Variants in SH3KBP1 observed in about 807,000 individuals in gnomAD.
SH3KBP1 encodes SH3 domain-containing kinase-binding protein 1.
A neutral mutation model predicts 50.1 loss-of-function variants in SH3KBP1; 8 were observed. That is an observed-to-expected ratio of 0.16 (90% confidence interval 0.09 to 0.29). SH3KBP1 has a LOEUF of 0.29. SH3KBP1 is among the 10% of genes least tolerant of loss of function. SH3KBP1 has a pLI of 1.00. For missense variants in SH3KBP1, 377 were observed against 535.2 expected, an observed-to-expected ratio of 0.70 and a Z score of 2.92; for synonymous variants, 227 against 218.6, an observed-to-expected ratio of 1.04 and a Z score of -0.34.
At chrX:19,784,008 C>T (rs1322895390) in intron 2 of SH3KBP1, among the ~76,000 whole-genome samples, 2 of 111,850 alleles carry the variant, frequency 1.8e-5, no homozygotes, top group African/African-American at 6.5e-5. Flanking sequence ...CATTATGTTC[C>T]TCAAATGGGC....
intron 2 of SH3KBP1, among the ~76,000 whole-genome samples, chrX:19,754,268 C>T (rs1212442632): frequency 8.9e-6 from 1 of 111,818 alleles, no homozygotes; most frequent in Non-Finnish European, 1.9e-5. Flanking sequence ...AGAACGACTA[C>T]CTTTGTGTCC....
intron 2 of SH3KBP1, among the ~76,000 whole-genome samples, chrX:19,756,186 G>A (rs896784842): frequency 1.1e-4 from 12 of 110,927 alleles, no homozygotes; most frequent in Admixed American, 3.8e-4. Context: ...TATCATTCCG[G>A]CTATTTTCTC....
chrX:19,862,306 T>C (rs547783275), intron 1 of SH3KBP1, among the ~76,000 whole-genome samples: 2 of 112,327 alleles, frequency 1.8e-5, no homozygotes, highest in African/African-American at 6.5e-5. Flanking sequence ...AGTCCTCTTC[T>C]ATTAGGGCAT....
intron 2 of SH3KBP1, among the ~76,000 whole-genome samples, chrX:19,774,650 AAAAAAAAGAAAG>A (rs2065905740): frequency 1.6e-5 from 1 of 63,480 alleles, no homozygotes; most frequent in East Asian, 4.3e-4. Context: ...CCCTGTCTCA[AAAAAAAAGAAAG>A]AAAGAAAGAA....
At chrX:19,725,776 T>C (rs954551589) in intron 3 of SH3KBP1, among the ~76,000 whole-genome samples, 1 of 112,183 alleles carries the variant, frequency 8.9e-6, no homozygotes, top group African/African-American at 3.2e-5. Flanking sequence ...CCACTGTTGC[T>C]CCACTTGCTG....
intron 8 of SH3KBP1, among the ~76,000 whole-genome samples, chrX:19,617,288 G>A (rs1312928232): frequency 1.8e-5 from 2 of 112,170 alleles, no homozygotes; most frequent in East Asian, 5.6e-4. Flanking sequence ...TGTATGTTTT[G>A]GCCAATGTTA....
At chrX:19,576,401 A>G (rs762282032) in intron 12 of SH3KBP1, among the ~76,000 whole-genome samples, 5 of 111,558 alleles carry the variant, frequency 4.5e-5, no homozygotes, top group African/African-American at 1.6e-4. Context: ...CTGTTTACTG[A>G]ATGCCTACCA....
At chrX:19,663,762 T>C (rs2062523842) in intron 6 of SH3KBP1, among the ~76,000 whole-genome samples, 1 of 112,104 alleles carries the variant, frequency 8.9e-6, no homozygotes, top group African/African-American at 3.2e-5. Context: ...TTCTCCATTA[T>C]TTGCAATCTG....
At chrX:19,581,793 A>G (rs753213002) in intron 12 of SH3KBP1, among the ~76,000 whole-genome samples, 49 of 107,210 alleles carry the variant, frequency 4.6e-4, no homozygotes, top group African/African-American at 1.7e-3. Flanking sequence ...TTCAGAACTC[A>G]TCAGTCACTT....
At position 19,878,472 on chromosome X, in the gene SH3KBP1, TTGTG is replaced by T. The variant is rs56786885; in HGVS notation, c.4+8831_4+8834del. Among the ~76,000 whole-genome samples, 693 of 72,944 alleles carry T rather than the reference TTGTG, an allele frequency of 9.5e-3. 4 individuals are homozygous for T. The highest frequency in any genetic ancestry group is 0.014 in the Non-Finnish European group (568 of 41,229). The allele number at this position is 72,944 out of a possible 115,157, so 63.3% of individuals were successfully genotyped here. A position where few individuals can be genotyped will look rare whatever the true frequency, so the allele number is the denominator to read the frequency against. On this transcript the variant is annotated intron_variant, in intron 1 of 17. Transcript: ENST00000397821. Reference sequence around the variant, plus strand: ...GTATGTGCCACCACGCCTGGCTAATTTGTGTGTGTGTGTGTGTGTGTGTGTGTGT... The same window carrying T: ...GTATGTGCCACCACGCCTGGCTAATTTGTGTGTGTGTGTGTGTGTGTGTGT...
chrX:19,757,746 T>C (rs1319167315), intron 2 of SH3KBP1, among the ~76,000 whole-genome samples: 1 of 110,967 alleles, frequency 9.0e-6, no homozygotes, highest in Non-Finnish European at 1.9e-5. Flanking sequence ...CGTGCGTCCT[T>C]AACTTTGGCA....
intron 1 of SH3KBP1, among the ~76,000 whole-genome samples, chrX:19,885,738 CCCATTA>C (rs769962129): frequency 2.2e-4 from 24 of 111,041 alleles, no homozygotes; most frequent in South Asian, 1.5e-3. Context: ...GAGAAATTAA[CCCATTA>C]CTAAAGTGGC....
chrX:19,737,228 A>G (rs893117045), intron 3 of SH3KBP1, among the ~76,000 whole-genome samples: 2 of 111,210 alleles, frequency 1.8e-5, no homozygotes, highest in African/African-American at 6.5e-5. Context: ...CCTTTCATTA[A>G]TCTAGCAGTT....
intron 8 of SH3KBP1, among the ~76,000 whole-genome samples, chrX:19,614,285 G>C (rs1036237563): frequency 8.9e-6 from 1 of 112,889 alleles, no homozygotes; most frequent in Non-Finnish European, 1.9e-5. Flanking sequence ...AGCTGAGAGC[G>C]ACTCCCTGAC....
intron 15 of SH3KBP1, among the ~76,000 whole-genome samples, chrX:19,543,119 G>C (rs1339564727): frequency 4.5e-5 from 5 of 111,544 alleles, no homozygotes; most frequent in Admixed American, 9.5e-5. Context: ...ACCAGGCATT[G>C]TTCCCAGTGC....
At chrX:19,700,822 C>A (rs1268772705) in intron 4 of SH3KBP1, among the ~76,000 whole-genome samples, 1 of 111,782 alleles carries the variant, frequency 8.9e-6, no homozygotes, top group African/African-American at 3.3e-5. Context: ...TCCCCTAATT[C>A]TTGTGTAGTT....
chrX:19,547,518 A>T (rs900177669), intron 14 of SH3KBP1, among the ~76,000 whole-genome samples: 8 of 112,473 alleles, frequency 7.1e-5, no homozygotes, highest in African/African-American at 2.6e-4. Flanking sequence ...TTATTTGTTA[A>T]TCTTCATTTA....
chrX:19,631,151 T>C (rs111398930), intron 8 of SH3KBP1, among the ~76,000 whole-genome samples: 86 of 112,491 alleles, frequency 7.6e-4, no homozygotes, highest in African/African-American at 2.6e-3. Flanking sequence ...TTCAAGACCA[T>C]TCAGCTTCTT....
At chrX:19,841,234 T>C (rs2068210899) in intron 1 of SH3KBP1, among the ~76,000 whole-genome samples, 1 of 111,567 alleles carries the variant, frequency 9.0e-6, no homozygotes, top group African/African-American at 3.3e-5. Context: ...CTGTCCTTCC[T>C]GTCTCCTAGG....
Sources: allele counts gnomAD v4.1 joint callset (sites outside exome capture counted in the v4.1 genomes callset), GRCh38; gene constraint gnomAD v4.1.1; transcripts MANE v1.5; gene names NCBI Gene and HGNC (gene_info 2026-07-23, HGNC 2026-07-21).